Variants in PLG observed in about 807,000 individuals in gnomAD.
PLG encodes plasmin.
A neutral mutation model predicts 104.4 loss-of-function variants in PLG; 41 were observed. The ratio of observed to expected loss-of-function variants is 0.39; its 90% CI spans 0.31 to 0.51. The LOEUF (loss-of-function observed/expected upper bound fraction) is 0.51, where lower values mean the gene tolerates loss of function less well. PLG is among the 20% of genes least tolerant of loss of function. The probability of loss-of-function intolerance (pLI) is 0.76; values close to 1 mark genes in which losing one functional copy is unlikely to be tolerated. For synonymous variants in PLG, 337 were observed against 357.1 expected, an observed-to-expected ratio of 0.94 and a Z score of 0.63; for missense variants, 891 against 1,003.6, an observed-to-expected ratio of 0.89 and a Z score of 1.52.
In PLG at chr6:160,743,768, C is replaced by G. The variant is rs144070437; in HGVS notation, c.2125+2351C>G. Among the ~76,000 whole-genome samples, 538 of 152,200 alleles carry G rather than the reference C, an allele frequency of 3.5e-3. 7 individuals carry two copies. The highest frequency in any genetic ancestry group is 0.027 in the Admixed American group (419 of 15,282). ...TCAAGGGGAATGCTTCCAGCTTTTGCCCATTTAGTATGATGTTGGCTGTGG... is the reference window on the plus strand; with the variant it reads ...TCAAGGGGAATGCTTCCAGCTTTTGGCCATTTAGTATGATGTTGGCTGTGG... On this transcript the variant is annotated intron_variant, in intron 17 of 18. Transcript: ENST00000308192.
chr6:160,711,055 C>T, intron 3 of PLG, 22 bp from the exon 4 acceptor site: 1 of 1,612,038 alleles, frequency 6.2e-7, no homozygotes, highest in Non-Finnish European at 8.5e-7. Context: ...AGACTTTGAC[C>T]ACTGTGTGGA....
intron 1 of PLG, 93 bp from the exon 2 acceptor site, chr6:160,706,314 A>G (rs542238840): frequency 8.5e-6 from 13 of 1,535,032 alleles, no homozygotes; most frequent in Admixed American, 1.7e-5. Context: ...TATTTGGTTA[A>G]TGCTAACCAA....
At chr6:160,750,891 A>G (rs1449234283) in intron 17 of PLG, among the ~76,000 whole-genome samples, 2 of 152,162 alleles carry the variant, frequency 1.3e-5, no homozygotes, top group Non-Finnish European at 1.5e-5. Flanking sequence ...GAAAAACGGC[A>G]TTTTCTCTGG....
At position 160,725,186 on chromosome 6, in the gene PLG, A is replaced by G. The variant is rs4709460; in HGVS notation, c.1256+2619A>G. 0.66 allele frequency among the ~76,000 whole-genome samples: 100,556 copies of G among 151,958 alleles called. 33,769 individuals are homozygous for G. The highest frequency in any genetic ancestry group is 0.77 in the Middle Eastern group (227 of 294). On this transcript the variant is annotated intron_variant, in intron 10 of 18. Transcript: ENST00000308192. The surrounding 1 kb of genome is among the most constrained non-coding windows in gnomAD (Gnocchi z 6.3). ...GCTGAGATCGTGCCATTACGGTCCA[A>G]CCTGGGTGACAGAGCGAGACTCAAA...
Position 160,724,061 on chromosome 6 carries a change from C to T in PLG, c.1256+1494C>T, listed in dbSNP as rs1041593178. ...AAGTTGCTCAGTTATGTGGCATCCA[C>T]AATGTGTGACCTAAATTTATAACTT... On this transcript the variant is annotated intron_variant, in intron 10 of 18. Transcript: ENST00000308192. The surrounding 1 kb of genome is among the most constrained non-coding windows in gnomAD (Gnocchi z 5.0). 6.6e-6 allele frequency among the ~76,000 whole-genome samples: 1 copy of T among 152,154 alleles called. No individual in the cohort carries two copies. Among genetic ancestry groups the T allele is most frequent in the African/African-American group, 2.4e-5 (1 of 41,416 alleles).
Position 160,702,483 on chromosome 6 carries a change from T to C in PLG, c.49+130T>C. 3.2e-6 allele frequency: 4 copies of C among 1,247,892 alleles called. No individual in the cohort carries two copies. The South Asian group carries it at 5.5e-5, about 17-fold the overall frequency. The allele number at this position is 1,247,892 out of a possible 1,614,324, so 77.3% of individuals were successfully genotyped here. A position where few individuals can be genotyped will look rare whatever the true frequency, so the allele number is the denominator to read the frequency against. ...ATGAAACTTCCAGTTGAAAATCTTGTATAAGATTGAGGAATTCTTCAAGAA... is the reference window on the plus strand; with the variant it reads ...ATGAAACTTCCAGTTGAAAATCTTGCATAAGATTGAGGAATTCTTCAAGAA... On this transcript the variant is annotated intron_variant, in intron 1 of 18. Coordinates refer to ENST00000308192, the MANE Select transcript of PLG (RefSeq NM_000301.5).
chr6:160,746,673 G>T (rs1778282429), intron 17 of PLG, among the ~76,000 whole-genome samples: 2 of 152,166 alleles, frequency 1.3e-5, no homozygotes, highest in African/African-American at 4.8e-5. Flanking sequence ...CCTTGTTAGA[G>T]AACTAGTGTG....
chr6:160,748,382 A>AAGAGAG, intron 17 of PLG, among the ~76,000 whole-genome samples: 1 of 42,518 alleles, frequency 2.4e-5, no homozygotes, highest in South Asian at 1.2e-3. Flanking sequence ...GAAAGAAAGA[A>AAGAGAG]AGAAAGAAAG....
intron 17 of PLG, among the ~76,000 whole-genome samples, chr6:160,747,441 G>T (rs528654929): frequency 6.6e-6 from 1 of 152,160 alleles, no homozygotes; most frequent in South Asian, 2.1e-4. Flanking sequence ...GAGGTGCTAG[G>T]AGGGCATTAG....
Position 160,738,477 on chromosome 6 carries a change from G to A in PLG, c.1803-61G>A, listed in dbSNP as rs1440431102. ...AGTGAACGTGTCTTTCTGGCTTTCT[G>A]TACAATGGAGCAGAACAAAGTATCA... On this transcript the variant is annotated intron_variant, in intron 14 of 18. Coordinates refer to ENST00000308192, the MANE Select transcript of PLG (RefSeq NM_000301.5). This position sits in a 1 kb window ranked among gnomAD's most constrained non-coding sequence, Gnocchi z 6.8. The A allele has an allele frequency of 2.9e-6, 3 of 1,024,286 alleles. No homozygotes were observed. The highest frequency in any genetic ancestry group is 1.6e-5 in the African/African-American group (1 of 63,570). The allele number at this position is 1,024,286 out of a possible 1,614,324, so 63.4% of individuals were successfully genotyped here. A position where few individuals can be genotyped will look rare whatever the true frequency, so the allele number is the denominator to read the frequency against.
At chr6:160,710,986 A>G (rs1305838055) in intron 3 of PLG, 91 bp from the exon 4 acceptor site, 10 of 1,155,646 alleles carry the variant, frequency 8.7e-6, no homozygotes, top group African/African-American at 1.5e-5. Context: ...GGTCTGGTGC[A>G]TGAGATCTTT....
chr6:160,736,831 A>G lies in PLG; in HGVS notation c.1682-56A>G, dbSNP rs1383843286. The stretch of plus-strand genomic sequence containing the variant: ...GTGCTTGGAATTTGTCTCGAATTAC[A>G]CCACAAAATTGCTACCTTGTCTCAA... On this transcript the variant is annotated intron_variant, in intron 13 of 18. Coordinates refer to ENST00000308192, the MANE Select transcript of PLG (RefSeq NM_000301.5). This position sits in a 1 kb window ranked among gnomAD's most constrained non-coding sequence, Gnocchi z 5.2. The G allele has an allele frequency of 4.3e-6, 7 of 1,609,676 alleles. No individual in the cohort carries two copies. In the East Asian group the frequency reaches 1.6e-4, roughly 36 times the overall value.
chr6:160,719,994 T>G lies in PLG; in HGVS notation c.1096+1156T>G, dbSNP rs894487085. ...GGGGTAGATCTCAATTTCCATCTGG[T>G]GTCAGTTTCTTTCTGTGAAAAACAA... On this transcript the variant is annotated intron_variant, in intron 9 of 18. Transcript: ENST00000308192. This position sits in a 1 kb window ranked among gnomAD's most constrained non-coding sequence, Gnocchi z 4.1. Among the ~76,000 whole-genome samples the G allele has an allele frequency of 1.3e-5, 2 of 152,156 alleles. No individual in the cohort carries two copies. Among genetic ancestry groups the G allele is most frequent in the African/African-American group, 2.4e-5 (1 of 41,428 alleles).
In PLG at chr6:160,736,801, A is replaced by C. The variant is rs1337185689; in HGVS notation, c.1682-86A>C. 1 of 1,562,866 alleles carries C rather than the reference A, an allele frequency of 6.4e-7. No homozygotes were observed. Among genetic ancestry groups the C allele is most frequent in the Non-Finnish European group, 8.8e-7 (1 of 1,136,100 alleles). On this transcript the variant is annotated intron_variant, in intron 13 of 18. Coordinates refer to ENST00000308192, the MANE Select transcript of PLG (RefSeq NM_000301.5). The surrounding 1 kb of genome is among the most constrained non-coding windows in gnomAD (Gnocchi z 5.2). ...TAGTTCGGCCTTTAAGATGTCAAAA[A>C]CTCAGTGCTTGGAATTTGTCTCGAA...
intron 17 of PLG, among the ~76,000 whole-genome samples, chr6:160,748,273 C>A (rs1189900942): frequency 6.8e-6 from 1 of 147,806 alleles, no homozygotes; most frequent in Non-Finnish European, 1.5e-5. Flanking sequence ...CCACTGCACT[C>A]CAGCCTGGGT....
In PLG at chr6:160,737,104, G is replaced by A. The variant is rs1401948511; in HGVS notation, c.1802+97G>A. Reference sequence around the variant, plus strand: ...TAAAATCCACACAGCTGAGGCATCAGCACCTGCCTCTAAGTTTTCTGAAGG... The same window carrying A: ...TAAAATCCACACAGCTGAGGCATCAACACCTGCCTCTAAGTTTTCTGAAGG... On this transcript the variant is annotated intron_variant, in intron 14 of 18. Coordinates refer to ENST00000308192, the MANE Select transcript of PLG (RefSeq NM_000301.5). This position sits in a 1 kb window ranked among gnomAD's most constrained non-coding sequence, Gnocchi z 4.7. The A allele has an allele frequency of 6.6e-6, 10 of 1,509,380 alleles. No homozygotes were observed. Among genetic ancestry groups the A allele is most frequent in the Non-Finnish European group, 8.2e-6 (9 of 1,103,822 alleles). 93.5% of individuals were successfully genotyped at this position (1,509,380 alleles called of 1,614,324 possible).
intron 1 of PLG, among the ~76,000 whole-genome samples, chr6:160,704,388 G>A (rs1025658824): frequency 2.0e-5 from 3 of 152,206 alleles, no homozygotes; most frequent in Admixed American, 6.5e-5. Flanking sequence ...GGAAATAAAT[G>A]GAAGTTTTCT....
rs1777789210 is a variant in PLG, at chr6:160,718,921, T to TCACA, written c.1096+83_1096+84insCACA. On this transcript the variant is annotated intron_variant, in intron 9 of 18. Coordinates refer to ENST00000308192, the MANE Select transcript of PLG (RefSeq NM_000301.5). Reference sequence around the variant, plus strand: ...CCAGTGGCATCATCACAATATACAGTAGCTTTGTAAGTTTAATGCTATTGT... The same window carrying TCACA: ...CCAGTGGCATCATCACAATATACAGTCACAAGCTTTGTAAGTTTAATGCTATTGT... The TCACA allele has an allele frequency of 2.5e-6, 3 of 1,211,222 alleles. No individual in the cohort carries two copies. The East Asian group carries it at 7.0e-5, about 28-fold the overall frequency. 75.0% of individuals were successfully genotyped at this position (1,211,222 alleles called of 1,614,324 possible).
rs71542985 is a variant in PLG, at chr6:160,748,350, G to GAGAA, written c.2126-3718_2126-3715dup. Among the ~76,000 whole-genome samples the GAGAA allele has an allele frequency of 5.1e-3, 252 of 49,442 alleles. 7 individuals are homozygous for GAGAA. The highest frequency in any genetic ancestry group is 4.3e-3 in the South Asian group (5 of 1,170). 32.4% of individuals were successfully genotyped at this position (49,442 alleles called of 152,430 possible). A position where few individuals can be genotyped will look rare whatever the true frequency, so the allele number is the denominator to read the frequency against. ...AGAAGGAAAGAAGGAAGAAAAGAAA[G>GAGAA]AGAAAGAAAGAAAGAAAGAAAGAAA... On this transcript the variant is annotated intron_variant, in intron 17 of 18. Coordinates refer to ENST00000308192, the MANE Select transcript of PLG (RefSeq NM_000301.5).
Sources: allele counts gnomAD v4.1 joint callset (sites outside exome capture counted in the v4.1 genomes callset), GRCh38; gene constraint gnomAD v4.1.1; non-coding constraint Gnocchi (gnomAD v3.1); transcripts MANE v1.5; gene names NCBI Gene and HGNC (gene_info 2026-07-23, HGNC 2026-07-21).